Variants in NLGN4X observed in about 807,000 individuals in gnomAD.
The protein encoded by NLGN4X is neuroligin-4, X-linked.
In NLGN4X, 3 loss-of-function variants were observed where a neutral mutation model predicts 40.3. That is an observed-to-expected ratio of 0.07 (90% CI 0.03 to 0.19). The LOEUF (loss-of-function observed/expected upper bound fraction) is 0.19, where lower values mean the gene tolerates loss of function less well. Ranked by LOEUF, NLGN4X falls within the 10% of genes least tolerant of loss-of-function variation. The pLI, the probability that NLGN4X is intolerant of heterozygous loss-of-function variation, is 1.00. For synonymous variants in NLGN4X, 270 were observed against 306.8 expected, an observed-to-expected ratio of 0.88 and a Z score of 1.25; for missense variants, 382 against 708.3, an observed-to-expected ratio of 0.54 and a Z score of 5.23.
At chrX:5,905,124 C>A (rs1246077833) in intron 4 of NLGN4X, among the ~76,000 whole-genome samples, 1 of 110,190 alleles carries the variant, frequency 9.1e-6, no homozygotes, top group African/African-American at 3.3e-5. Context: ...TGGATACTTT[C>A]ATTAGTTAAA....
intron 2 of NLGN4X, among the ~76,000 whole-genome samples, chrX:6,140,744 AT>A (rs36080808): frequency 1.5e-4 from 15 of 97,799 alleles, no homozygotes; most frequent in East Asian, 6.5e-4. Context: ...TGCCCAGCTA[AT>A]TTTTTTTTTT....
chrX:6,021,555 T>A (rs1295061819), intron 3 of NLGN4X, among the ~76,000 whole-genome samples: 1 of 110,362 alleles, frequency 9.1e-6, no homozygotes, highest in Non-Finnish European at 1.9e-5. Context: ...AAGCAAACGA[T>A]CATTCTGAGA....
chrX:5,976,823 C>T (rs1238225560), intron 3 of NLGN4X, among the ~76,000 whole-genome samples: 1 of 112,806 alleles, frequency 8.9e-6, no homozygotes, highest in Non-Finnish European at 1.9e-5. Flanking sequence ...GAGACAAGCC[C>T]TATGGCAGAA....
At chrX:6,069,516 T>A (rs931213219) in intron 2 of NLGN4X, among the ~76,000 whole-genome samples, 24 of 111,651 alleles carry the variant, frequency 2.1e-4, no homozygotes, top group African/African-American at 7.8e-4. Context: ...TTTCAAAAAT[T>A]CACTTTAAAA....
At position 5,980,281 on chromosome X, in the gene NLGN4X, T is replaced by C. The variant is rs1038076114; in HGVS notation, c.625+48999A>G. Among the ~76,000 whole-genome samples, 4 of 109,502 alleles carry C rather than the reference T, an allele frequency of 3.7e-5. No individual in the cohort carries two copies. In the South Asian group the frequency reaches 1.1e-3, roughly 31 times the overall value. On this transcript the variant is annotated intron_variant, in intron 3 of 5. Transcript: ENST00000381095. Reference sequence around the variant, plus strand: ...CATTTATACTGGTACAATACCTTCATCCGATATTTAATTTGCCTATCTTAC... The same window carrying C: ...CATTTATACTGGTACAATACCTTCACCCGATATTTAATTTGCCTATCTTAC...
chrX:6,212,277 C>T (rs926918837), intron 1 of NLGN4X, among the ~76,000 whole-genome samples: 3 of 108,065 alleles, frequency 2.8e-5, no homozygotes, highest in Admixed American at 1.0e-4. Flanking sequence ...GAAATGGCTA[C>T]GATTTGCTTA....
chrX:5,958,835 G>A (rs987070771), intron 3 of NLGN4X, among the ~76,000 whole-genome samples: 1 of 112,492 alleles, frequency 8.9e-6, no homozygotes, highest in African/African-American at 3.2e-5. Context: ...ACCTGGCTGA[G>A]TTTCATTAGG....
chrX:6,025,231 C>T lies in NLGN4X; in HGVS notation c.625+4049G>A, dbSNP rs776047219. Among the ~76,000 whole-genome samples, 13 of 112,063 alleles carry T rather than the reference C, an allele frequency of 1.2e-4. 1 individual carries two copies. In the South Asian group the frequency reaches 4.9e-3, roughly 42 times the overall value. The stretch of plus-strand genomic sequence containing the variant: ...TGGGACAATCCCAGTTTATTCATAG[C>T]ACATGAGCAACTCTCAAACATGTCC... On this transcript the variant is annotated intron_variant, in intron 3 of 5. Coordinates refer to ENST00000381095, the MANE Select transcript of NLGN4X (RefSeq NM_181332.3).
At chrX:6,038,618 G>A (rs2037080552) in intron 2 of NLGN4X, among the ~76,000 whole-genome samples, 1 of 112,681 alleles carries the variant, frequency 8.9e-6, no homozygotes, top group East Asian at 2.8e-4. Flanking sequence ...CTGACCTATG[G>A]CTTCTTTTTT....
intron 2 of NLGN4X, among the ~76,000 whole-genome samples, chrX:6,060,635 C>G (rs2037745637): frequency 8.9e-6 from 1 of 111,837 alleles, no homozygotes. Context: ...CCCTCGTGCT[C>G]CATCTTCACT....
intron 1 of NLGN4X, among the ~76,000 whole-genome samples, chrX:6,201,731 A>G (rs1250458928): frequency 1.8e-5 from 2 of 111,310 alleles, no homozygotes; most frequent in Admixed American, 1.9e-4. Flanking sequence ...GAGCAGGGTA[A>G]GCTTGGCAAG....
At position 5,922,637 on chromosome X, in the gene NLGN4X, C is replaced by T. The variant is rs942532297; in HGVS notation, c.626-13398G>A. ...CAGCACTTTGGGAGGCTGAGGCAGGCGGATCACCTGAGGTCAGGAGTTCGA... is the reference window on the plus strand; with the variant it reads ...CAGCACTTTGGGAGGCTGAGGCAGGTGGATCACCTGAGGTCAGGAGTTCGA... On this transcript the variant is annotated intron_variant, in intron 3 of 5. Transcript: ENST00000381095. Among the ~76,000 whole-genome samples, 4 of 110,965 alleles carry T rather than the reference C, an allele frequency of 3.6e-5. No homozygotes were observed. The East Asian group carries it at 8.5e-4, about 24-fold the overall frequency.
At chrX:6,189,743 C>A (rs1048162916) in intron 1 of NLGN4X, among the ~76,000 whole-genome samples, 2 of 110,853 alleles carry the variant, frequency 1.8e-5, no homozygotes, top group Non-Finnish European at 3.8e-5. Context: ...CTTTGCACTG[C>A]AGCTACTGAA....
chrX:5,932,571 T>C (rs2033585917), intron 3 of NLGN4X, among the ~76,000 whole-genome samples: 1 of 111,785 alleles, frequency 8.9e-6, no homozygotes, highest in South Asian at 3.7e-4. Context: ...TAGGAGATTA[T>C]AATAAGAAGT....
Position 5,891,094 on chromosome X carries a change from A to T in NLGN4X, c.*1723T>A. On this transcript the variant is annotated 3_prime_UTR_variant, in exon 6 of 6. Coordinates refer to ENST00000381095, the MANE Select transcript of NLGN4X (RefSeq NM_181332.3). ...ATTTTTCAAAAAAGTATCCATTGCT[A>T]CTATGTTTCCTTCCACCTTATAACA... is the stretch of plus-strand genomic sequence containing the variant. 1 of 277,730 alleles carries T rather than the reference A, an allele frequency of 3.6e-6. No individual in the cohort carries two copies. The highest frequency in any genetic ancestry group is 6.7e-6 in the Non-Finnish European group (1 of 149,429). The allele number at this position is 277,730 out of a possible 1,213,427, so 22.9% of individuals were successfully genotyped here. A position where few individuals can be genotyped will look rare whatever the true frequency, so the allele number is the denominator to read the frequency against.
At chrX:5,971,929 T>G (rs1356358274) in intron 3 of NLGN4X, among the ~76,000 whole-genome samples, 2 of 111,834 alleles carry the variant, frequency 1.8e-5, no homozygotes, top group Non-Finnish European at 3.8e-5. Flanking sequence ...GAAACTTTAA[T>G]TTTTAAAAAA....
rs937962376 is a variant in NLGN4X at position 5,976,132 on chromosome X, G to C, written c.625+53148C>G. On this transcript the variant is annotated intron_variant, in intron 3 of 5. Transcript: ENST00000381095. ...ATAATCATCTGATTTCAAAGTATGG[G>C]CATCTTCTGTTTTAGCTATCTTCTC... Among the ~76,000 whole-genome samples, 8 of 112,460 alleles carry C rather than the reference G, an allele frequency of 7.1e-5. No homozygotes were observed. The East Asian group carries it at 2.2e-3, about 31-fold the overall frequency.
At chrX:5,906,435 C>T (rs1255604473) in intron 4 of NLGN4X, among the ~76,000 whole-genome samples, 1 of 111,675 alleles carries the variant, frequency 9.0e-6, no homozygotes, top group Non-Finnish European at 1.9e-5. Flanking sequence ...AGGAGCACAG[C>T]GATCCAGAAA....
At position 6,039,306 on chromosome X, in the gene NLGN4X, C is replaced by A. The variant is rs189777424; in HGVS notation, c.473-9874G>T. Among the ~76,000 whole-genome samples, 517 of 111,359 alleles carry A rather than the reference C, an allele frequency of 4.6e-3. 1 individual carries two copies. Among genetic ancestry groups the A allele is most frequent in the Middle Eastern group, 9.3e-3 (2 of 216 alleles). ...GATCTCATAGAGAAGAACCCATTGG[C>A]CCTAACCTAGGCAAAATTACCTCCA... On this transcript the variant is annotated intron_variant, in intron 2 of 5. Transcript: ENST00000381095.
Sources: gnomAD v4.1 joint callset for allele counts (sites outside exome capture counted in the v4.1 genomes callset) on GRCh38, gnomAD v4.1.1 for gene constraint, MANE v1.5 for transcripts, NCBI Gene and HGNC (gene_info 2026-07-23, HGNC 2026-07-21) for gene names.